The following PAX5 variants were observed in gnomAD, a reference collection of about 807,000 sequenced individuals.
PAX5 encodes the protein paired box protein Pax-5.
Under a neutral mutation model 43.7 loss-of-function variants are expected in PAX5, and 9 were observed. That is an observed-to-expected ratio of 0.21 (90% CI 0.12 to 0.36). The LOEUF (loss-of-function observed/expected upper bound fraction) is 0.36, where lower values mean the gene tolerates loss of function less well. PAX5 is among the 10% of genes least tolerant of loss of function. The probability of loss-of-function intolerance (pLI) is 1.00; values close to 1 mark genes in which losing one functional copy is unlikely to be tolerated. For missense variants in PAX5, 383 were observed against 532.7 expected (o/e 0.72, Z 2.77); for synonymous variants, 228 against 214.3 (o/e 1.06, Z -0.56).
chr9:36,928,016 G>A lies in PAX5; in HGVS notation c.781-4532C>T, dbSNP rs551796211. 3.9e-5 allele frequency among the ~76,000 whole-genome samples: 6 copies of A among 152,272 alleles called. No homozygotes were observed. In the South Asian group the frequency reaches 1.2e-3, roughly 32 times the overall value. On this transcript the variant is annotated intron_variant, in intron 6 of 9. Transcript: ENST00000358127. Reference sequence around the variant, plus strand: ...TGAGCCACTGCACCCAGATATCTGGGCCTTTCACCATAACCACCTTGCAGG... The same window carrying A: ...TGAGCCACTGCACCCAGATATCTGGACCTTTCACCATAACCACCTTGCAGG...
intron 7 of PAX5, among the ~76,000 whole-genome samples, chr9:36,913,423 A>G (rs10973125): frequency 0.3 from 45,294 of 152,204 alleles, 7,758 homozygotes; most frequent in East Asian, 0.62. Context: ...GGACCCAGCT[A>G]AGTCCTTCAC....
At chr9:36,963,391 C>T (rs964956995) in intron 6 of PAX5, among the ~76,000 whole-genome samples, 4 of 152,204 alleles carry the variant, frequency 2.6e-5, no homozygotes, top group Non-Finnish European at 4.4e-5. Flanking sequence ...CCATCCAACA[C>T]TGCCCCCTCA....
At chr9:36,999,066 A>T (rs1044408242) in intron 5 of PAX5, among the ~76,000 whole-genome samples, 3 of 152,190 alleles carry the variant, frequency 2.0e-5, no homozygotes, top group African/African-American at 4.8e-5. Flanking sequence ...AGCAGAGTGA[A>T]TGTTTCTTGA....
At chr9:36,909,952 G>C (rs1829130308) in intron 7 of PAX5, among the ~76,000 whole-genome samples, 1 of 150,498 alleles carries the variant, frequency 6.6e-6, no homozygotes. Context: ...CTCCCAAGCA[G>C]CTGGGACTAT....
intron 5 of PAX5, among the ~76,000 whole-genome samples, chr9:36,978,528 G>C (rs1835644585): frequency 7.2e-6 from 1 of 138,400 alleles, no homozygotes; most frequent in African/African-American, 2.6e-5. Flanking sequence ...ATAAATAAAA[G>C]GGTTTAAAAA....
intron 3 of PAX5, among the ~76,000 whole-genome samples, chr9:37,012,285 G>A (rs1390726640): frequency 6.6e-6 from 1 of 152,220 alleles, no homozygotes; most frequent in African/African-American, 2.4e-5. Flanking sequence ...CAGGGCAGTG[G>A]TGGAAAGAAA....
At chr9:36,904,642 A>G (rs1043976033) in intron 7 of PAX5, among the ~76,000 whole-genome samples, 2 of 152,182 alleles carry the variant, frequency 1.3e-5, no homozygotes, top group Admixed American at 6.5e-5. Context: ...GACTAGTAGA[A>G]GCTAATGCAT....
At chr9:37,009,175 G>A (rs1174468662) in intron 3 of PAX5, among the ~76,000 whole-genome samples, 2 of 152,096 alleles carry the variant, frequency 1.3e-5, no homozygotes, top group African/African-American at 4.8e-5. Flanking sequence ...AATATCACTG[G>A]GAAAGCATTA....
chr9:36,842,308 GGT>G (rs1234605174), intron 9 of PAX5, among the ~76,000 whole-genome samples: 1 of 152,184 alleles, frequency 6.6e-6, no homozygotes, highest in Non-Finnish European at 1.5e-5. Flanking sequence ...GAGGAAGGCG[GGT>G]GTGTGTGCAT....
In PAX5 at chr9:36,929,311, G is replaced by GAGAA. The variant is rs1349441420; in HGVS notation, c.781-5831_781-5828dup. Among the ~76,000 whole-genome samples, 52 of 151,124 alleles carry GAGAA rather than the reference G, an allele frequency of 3.4e-4. 1 individual carries two copies. The highest frequency in any genetic ancestry group is 1.5e-5 in the Non-Finnish European group (1 of 68,010). ...GAAGGATGGATGAGAGAGAGAGAGA[G>GAGAA]AGAAAGAAAGAGAAGAGGAAAGGAA... On this transcript the variant is annotated intron_variant, in intron 6 of 9. Transcript: ENST00000358127.
At position 37,034,098 on chromosome 9, in the gene PAX5, C is replaced by CTTTTTTTTTTTTTTTT. The variant is rs576653546; in HGVS notation, c.-83_-68dup. 151 of 320,086 alleles carry CTTTTTTTTTTTTTTTT rather than the reference C, an allele frequency of 4.7e-4. 8 individuals carry two copies. The highest frequency in any genetic ancestry group is 2.0e-3 in the South Asian group (69 of 33,894). The allele number at this position is 320,086 out of a possible 1,614,324, so 19.8% of individuals were successfully genotyped here. ...TCCACTTTTTTGTGCCTTTTTTTTTCTTTTTTTTTTTTTTTTTTTTTTTTT... is the reference window on the plus strand; with the variant it reads ...TCCACTTTTTTGTGCCTTTTTTTTTCTTTTTTTTTTTTTTTTTTTTTTTTTTTTTTTTTTTTTTTTT... On this transcript the variant is annotated 5_prime_UTR_variant, in exon 1 of 10. Coordinates refer to ENST00000358127, the MANE Select transcript of PAX5 (RefSeq NM_016734.3).
chr9:36,953,035 G>A (rs962332594), intron 6 of PAX5, among the ~76,000 whole-genome samples: 1 of 152,144 alleles, frequency 6.6e-6, no homozygotes, highest in African/African-American at 2.4e-5. Flanking sequence ...GTCTGCTGGT[G>A]ATGAATTTCC....
intron 7 of PAX5, among the ~76,000 whole-genome samples, chr9:36,912,151 C>T (rs1047532022): frequency 2.0e-5 from 3 of 152,246 alleles, no homozygotes; most frequent in Non-Finnish European, 4.4e-5. Flanking sequence ...AGCATCCCCA[C>T]GTAGAGAGCT....
chr9:36,911,409 C>T (rs1354448119), intron 7 of PAX5, among the ~76,000 whole-genome samples: 1 of 152,132 alleles, frequency 6.6e-6, no homozygotes, highest in Non-Finnish European at 1.5e-5. Flanking sequence ...GGTCCTCCCG[C>T]CTTGACCTCC....
At chr9:37,005,778 G>A (rs938880134) in intron 4 of PAX5, among the ~76,000 whole-genome samples, 12 of 152,190 alleles carry the variant, frequency 7.9e-5, no homozygotes, top group African/African-American at 7.2e-5. Context: ...GCTAACCAGC[G>A]GTGTTTCCTG....
chr9:36,907,834 A>C (rs1828947576), intron 7 of PAX5, among the ~76,000 whole-genome samples: 1 of 152,252 alleles, frequency 6.6e-6, no homozygotes, highest in African/African-American at 2.4e-5. Flanking sequence ...TGACATCTAC[A>C]GAATGGATTA....
chr9:36,871,244 G>T (rs1406337516), intron 8 of PAX5, among the ~76,000 whole-genome samples: 3 of 152,218 alleles, frequency 2.0e-5, no homozygotes, highest in Non-Finnish European at 4.4e-5. Context: ...TACCCGGGCT[G>T]CAGTCCTCGT....
chr9:36,998,079 A>G (rs892953267), intron 5 of PAX5, among the ~76,000 whole-genome samples: 4 of 152,312 alleles, frequency 2.6e-5, no homozygotes, highest in African/African-American at 7.2e-5. Flanking sequence ...TAAAGCTTCC[A>G]TTCTTGGCCC....
chr9:36,892,177 C>T (rs1420231748), intron 7 of PAX5, among the ~76,000 whole-genome samples: 3 of 152,204 alleles, frequency 2.0e-5, no homozygotes, highest in African/African-American at 7.2e-5. Context: ...TCTGGGCCTC[C>T]CTGCCACGAC....
Sources: allele counts gnomAD v4.1 joint callset (sites outside exome capture counted in the v4.1 genomes callset), GRCh38; gene constraint gnomAD v4.1.1; transcripts MANE v1.5; gene names NCBI Gene and HGNC (gene_info 2026-07-23, HGNC 2026-07-21).